The following RNF144A variants were observed in gnomAD, a reference collection of about 807,000 sequenced individuals.
RNF144A encodes the protein E3 ubiquitin-protein ligase RNF144A.
Under a neutral mutation model 38.7 loss-of-function variants are expected in RNF144A, and 11 were observed. The ratio of observed to expected loss-of-function variants is 0.28; its 90% CI spans 0.18 to 0.47. The LOEUF is 0.47. Among genes scored for constraint, RNF144A ranks in the 20% least tolerant of loss-of-function variants. The pLI is 0.99. For synonymous variants in RNF144A, 149 were observed against 143.9 expected, an observed-to-expected ratio of 1.04 and a Z score of -0.25; for missense variants, 316 against 377.2, an observed-to-expected ratio of 0.84 and a Z score of 1.34.
chr2:7,013,222 C>T (rs1670928391), intron 3 of RNF144A, among the ~76,000 whole-genome samples: 2 of 152,104 alleles, frequency 1.3e-5, no homozygotes, highest in South Asian at 2.1e-4. Flanking sequence ...CTTACAACTC[C>T]ACTGTGAGGT....
At chr2:7,010,419 C>G (rs1670724876) in intron 3 of RNF144A, among the ~76,000 whole-genome samples, 1 of 152,134 alleles carries the variant, frequency 6.6e-6, no homozygotes, top group Admixed American at 6.5e-5. Context: ...ATCGTGGATC[C>G]CAGATAAGCA....
At chr2:7,030,344 C>T (rs1297217459) in intron 8 of RNF144A, 129 bp downstream of exon 8, 14 of 704,116 alleles carry the variant, frequency 2.0e-5, no homozygotes, top group African/African-American at 3.5e-5. Flanking sequence ...GCCTAAAGGA[C>T]GAAGATCTCC....
At chr2:7,017,924 G>A (rs142708279) in intron 5 of RNF144A, among the ~76,000 whole-genome samples, 4 of 152,168 alleles carry the variant, frequency 2.6e-5, no homozygotes, top group Non-Finnish European at 4.4e-5. Context: ...AGGCAGTGCC[G>A]TGTCACAGCT....
intron 5 of RNF144A, among the ~76,000 whole-genome samples, chr2:7,018,588 C>G (rs1262943494): frequency 6.6e-6 from 1 of 152,236 alleles, no homozygotes; most frequent in East Asian, 1.9e-4. Flanking sequence ...GCATCTGCCC[C>G]CACACATGTG....
chr2:6,920,578 T>A (rs1271032002), intron 1 of RNF144A, among the ~76,000 whole-genome samples: 3 of 152,316 alleles, frequency 2.0e-5, no homozygotes, highest in Non-Finnish European at 1.5e-5. Context: ...CTTCACAGGA[T>A]GTGGGATCTC....
intron 6 of RNF144A, among the ~76,000 whole-genome samples, chr2:7,049,855 A>C (rs1197549890): frequency 1.3e-5 from 2 of 152,212 alleles, no homozygotes; most frequent in Non-Finnish European, 2.9e-5. Flanking sequence ...AAAAATGTGT[A>C]CTGTGGGAAG....
intron 6 of RNF144A, among the ~76,000 whole-genome samples, chr2:7,022,722 C>T (rs1572422589): frequency 6.6e-6 from 1 of 152,200 alleles, no homozygotes; most frequent in South Asian, 2.1e-4. Context: ...TGACTTCCAG[C>T]TTTTTGCAAA....
rs943085822 is a variant in RNF144A at position 7,042,466 on chromosome 2, C to G, written c.*2706C>G. ...ATGTGTTCACTAAGAGGCCTTTAAT[C>G]CTGGGGAGTAAGGGGCGAAGGCCCT... On this transcript the variant is annotated 3_prime_UTR_variant, in exon 9 of 9. Coordinates refer to ENST00000320892, the MANE Select transcript of RNF144A (RefSeq NM_014746.6). The G allele has an allele frequency of 2.0e-6, 2 of 985,508 alleles. No homozygotes were observed. The allele number at this position is 985,508 out of a possible 1,614,324, so 61.0% of individuals were successfully genotyped here. A position where few individuals can be genotyped will look rare whatever the true frequency, so the allele number is the denominator to read the frequency against.
chr2:7,029,384 TAGAG>T (rs1672129922), intron 7 of RNF144A, among the ~76,000 whole-genome samples: 1 of 152,114 alleles, frequency 6.6e-6, no homozygotes, highest in Non-Finnish European at 1.5e-5. Context: ...GGAACACACT[TAGAG>T]AGACCAACAT....
chr2:7,062,945 AC>A (rs1305188156), intron 6 of RNF144A: 1 of 152,206 alleles, frequency 6.6e-6, no homozygotes, highest in Non-Finnish European at 1.5e-5. Context: ...AGAAGACAAA[AC>A]AATAAAAATT....
chr2:7,044,636 A>G (rs1572474146), downstream of RNF144A, among the ~76,000 whole-genome samples: 3 of 152,352 alleles, frequency 2.0e-5, no homozygotes, highest in East Asian at 3.9e-4. Flanking sequence ...AGAAAGTGGA[A>G]TAAATATGGA....
At chr2:7,068,694 A>G (rs1157823264), downstream of RNF144A, among the ~76,000 whole-genome samples, 1 of 152,238 alleles carries the variant, frequency 6.6e-6, no homozygotes, top group Non-Finnish European at 1.5e-5. Context: ...GTGAGGAAAC[A>G]GAAGTAGAAC....
chr2:6,922,626 CTTTT>C (rs1209204554), intron 1 of RNF144A, among the ~76,000 whole-genome samples: 4 of 136,940 alleles, frequency 2.9e-5, no homozygotes, highest in Admixed American at 7.3e-5. Flanking sequence ...TCTTGTTTTT[CTTTT>C]TTTTTTTTTT....
At chr2:7,028,449 C>G (rs1397279456) in intron 7 of RNF144A, among the ~76,000 whole-genome samples, 1 of 152,330 alleles carries the variant, frequency 6.6e-6, no homozygotes, top group East Asian at 1.9e-4. Flanking sequence ...GTATCTTCAG[C>G]TTCCAAAAGC....
At chr2:6,930,555 TTATC>T (rs762717838) in intron 1 of RNF144A, among the ~76,000 whole-genome samples, 3 of 152,024 alleles carry the variant, frequency 2.0e-5, no homozygotes, top group Admixed American at 6.6e-5. Context: ...TACACACACT[TTATC>T]TATCTGTATA....
At chr2:7,008,530 T>G (rs1204606844) in intron 3 of RNF144A, among the ~76,000 whole-genome samples, 1 of 152,190 alleles carries the variant, frequency 6.6e-6, no homozygotes, top group Non-Finnish European at 1.5e-5. Flanking sequence ...CACTCTCCAC[T>G]GCCTGCAGGA....
chr2:7,028,248 G>A (rs1383020220), intron 7 of RNF144A, among the ~76,000 whole-genome samples: 1 of 152,208 alleles, frequency 6.6e-6, no homozygotes, highest in East Asian at 1.9e-4. Flanking sequence ...TGGGCACGAT[G>A]AAAGAGGATG....
chr2:6,939,606 G>T (rs1420747265), intron 1 of RNF144A, among the ~76,000 whole-genome samples: 1 of 151,754 alleles, frequency 6.6e-6, no homozygotes, highest in Non-Finnish European at 1.5e-5. Flanking sequence ...ATTTTTTCTT[G>T]TTTGAGCTTT....
At chr2:6,956,811 A>G (rs1346184732) in intron 2 of RNF144A, among the ~76,000 whole-genome samples, 1 of 152,156 alleles carries the variant, frequency 6.6e-6, no homozygotes, top group Non-Finnish European at 1.5e-5. Context: ...GCAAATACAT[A>G]TGCTACAAAA....
Sources: gnomAD v4.1 joint callset for allele counts (sites outside exome capture counted in the v4.1 genomes callset) on GRCh38, gnomAD v4.1.1 for gene constraint, MANE v1.5 for transcripts, NCBI Gene and HGNC (gene_info 2026-07-23, HGNC 2026-07-21) for gene names.